PRKN: variants seen among roughly 807,000 people sequenced by gnomAD.
PRKN encodes the protein E3 ubiquitin-protein ligase parkin.
A neutral mutation model predicts 59.5 loss-of-function variants in PRKN; 56 were observed. The ratio of observed to expected loss-of-function variants is 0.94; its 90% CI spans 0.76 to 1.18. The LOEUF (loss-of-function observed/expected upper bound fraction) is 1.18, where lower values mean the gene tolerates loss of function less well. Among genes scored for constraint, PRKN ranks in the 50% most tolerant of loss-of-function variants. The probability of loss-of-function intolerance (pLI) is 0.00; values close to 1 mark genes in which losing one functional copy is unlikely to be tolerated. For missense variants in PRKN, 657 were observed against 596.4 expected, an observed-to-expected ratio of 1.10 and a Z score of -1.06; for synonymous variants, 250 against 222.1, an observed-to-expected ratio of 1.13 and a Z score of -1.12.
Position 161,693,733 on chromosome 6 carries a change from A to G in PRKN, c.871+92039T>C, listed in dbSNP as rs139505378. On this transcript the variant is annotated intron_variant, in intron 7 of 11. Coordinates refer to ENST00000366898, the MANE Select transcript of PRKN (RefSeq NM_004562.3). ...TTGACAGGTTTTCTACCCCAGATGT[A>G]AATTTTTGGAAATACTAATATACAA... Among the ~76,000 whole-genome samples the G allele has an allele frequency of 4.0e-3, 606 of 152,324 alleles. 4 individuals are homozygous for G. Among genetic ancestry groups the G allele is most frequent in the Non-Finnish European group, 5.6e-3 (382 of 68,026 alleles).
chr6:162,215,987 A>G (rs1777633655), intron 3 of PRKN, among the ~76,000 whole-genome samples: 3 of 151,920 alleles, frequency 2.0e-5, no homozygotes, highest in Admixed American at 1.3e-4. Context: ...AGGCAGAGGT[A>G]GCAGTGAGCA....
chr6:162,563,742 T>C (rs968725378), intron 1 of PRKN, among the ~76,000 whole-genome samples: 2 of 152,160 alleles, frequency 1.3e-5, no homozygotes, highest in Non-Finnish European at 2.9e-5. Flanking sequence ...AAAATAGCTG[T>C]GCTAAGAAAA....
chr6:161,989,338 T>A (rs77209482), intron 5 of PRKN, among the ~76,000 whole-genome samples: 3,096 of 152,264 alleles, frequency 0.02, 114 homozygotes, highest in African/African-American at 0.071. Context: ...CCCATGCACA[T>A]CAGGGGGCCT....
At chr6:162,123,889 A>C (rs1283603831) in intron 4 of PRKN, among the ~76,000 whole-genome samples, 1 of 152,162 alleles carries the variant, frequency 6.6e-6, no homozygotes. Flanking sequence ...CAAAACTCTT[A>C]ACAGCTAGTT....
intron 7 of PRKN, among the ~76,000 whole-genome samples, chr6:161,734,244 T>A (rs915704489): frequency 6.6e-6 from 1 of 152,114 alleles, no homozygotes; most frequent in East Asian, 1.9e-4. Context: ...TTCCAGCCCA[T>A]ACAAAGTCAT....
intron 6 of PRKN, among the ~76,000 whole-genome samples, chr6:161,867,456 C>T (rs1794155894): frequency 6.6e-6 from 1 of 152,178 alleles, no homozygotes; most frequent in Admixed American, 6.5e-5. Flanking sequence ...TGTACAACAG[C>T]AGACTGCTGG....
chr6:161,874,067 T>A (rs9458406), intron 6 of PRKN, among the ~76,000 whole-genome samples: 5 of 52,082 alleles, frequency 9.6e-5, no homozygotes, highest in Non-Finnish European at 1.4e-4. Context: ...TAATATATAA[T>A]ATATATTATA....
At chr6:162,225,970 G>A (rs1778158591) in intron 3 of PRKN, among the ~76,000 whole-genome samples, 1 of 146,384 alleles carries the variant, frequency 6.8e-6, no homozygotes, top group Non-Finnish European at 1.5e-5. Flanking sequence ...ATATGTTTAG[G>A]AAACCATATG....
At chr6:162,200,071 G>T (rs930901709) in intron 4 of PRKN, among the ~76,000 whole-genome samples, 2 of 152,090 alleles carry the variant, frequency 1.3e-5, no homozygotes, top group African/African-American at 4.8e-5. Flanking sequence ...TGTGGTTTCC[G>T]TCAGCTTGCA....
In PRKN at chr6:161,760,552, A is replaced by G. The variant is rs183667897; in HGVS notation, c.871+25220T>C. On this transcript the variant is annotated intron_variant, in intron 7 of 11. Transcript: ENST00000366898. ...TGTGTGGAACCCGAGATTCAGGCTG[A>G]GCGCCGGAAGCCGTCTAGCAGGGAC... Among the ~76,000 whole-genome samples the G allele has an allele frequency of 3.2e-3, 481 of 152,056 alleles. 2 individuals carry two copies. The highest frequency in any genetic ancestry group is 6.8e-3 in the Middle Eastern group (2 of 294).
chr6:161,727,617 G>T (rs1414836623), intron 7 of PRKN, among the ~76,000 whole-genome samples: 1 of 152,176 alleles, frequency 6.6e-6, no homozygotes, highest in African/African-American at 2.4e-5. Context: ...TGATCATCCT[G>T]TGTTGATGGA....
Position 162,262,657 on chromosome 6 carries a change from C to A in PRKN, c.280G>T (p.Gly94Cys), listed in dbSNP as rs770930242. Residue 94 changes from glycine (G) to cysteine (C), a missense_variant, in exon 3 of 12, where the codon GGC (glycine) becomes TGC (cysteine). Coordinates refer to ENST00000366898, the MANE Select transcript of PRKN (RefSeq NM_004562.3). ...AAGCTCTGGGGCTCCCGCTCACAGCCTCCCGCCGCGTTTCTGGGGTCGTCG... is the reference window on the plus strand; with the variant it reads ...AAGCTCTGGGGCTCCCGCTCACAGCATCCCGCCGCGTTTCTGGGGTCGTCG... ...GGDDPRNAAG[G>C]CEREPQSLTR... The A allele has an allele frequency of 4.3e-6, 7 of 1,613,636 alleles. No individual in the cohort carries two copies. The African/African-American group carries it at 8.0e-5, about 18-fold the overall frequency.
chr6:162,266,701 C>T (rs563817530), intron 2 of PRKN, among the ~76,000 whole-genome samples: 1 of 152,140 alleles, frequency 6.6e-6, no homozygotes, highest in African/African-American at 2.4e-5. Context: ...CTGCCATTGA[C>T]AATAATATAT....
chr6:161,990,032 T>C (rs969569529), intron 5 of PRKN, among the ~76,000 whole-genome samples: 1 of 152,034 alleles, frequency 6.6e-6, no homozygotes, highest in African/African-American at 2.4e-5. Flanking sequence ...GCCACTACTA[T>C]TGCCATGAAT....
At chr6:162,023,641 T>C (rs1410225570) in intron 5 of PRKN, among the ~76,000 whole-genome samples, 1 of 152,158 alleles carries the variant, frequency 6.6e-6, no homozygotes, top group Admixed American at 6.5e-5. Context: ...CGTCTGTGTG[T>C]CTGCCTGCTA....
chr6:162,471,889 G>A (rs1791764788), intron 1 of PRKN, among the ~76,000 whole-genome samples: 1 of 152,134 alleles, frequency 6.6e-6, no homozygotes, highest in Non-Finnish European at 1.5e-5. Flanking sequence ...AATTGGAATT[G>A]CAGCCATCTT....
chr6:162,373,373 C>T (rs1418631742), intron 2 of PRKN, among the ~76,000 whole-genome samples: 1 of 152,100 alleles, frequency 6.6e-6, no homozygotes, highest in Non-Finnish European at 1.5e-5. Flanking sequence ...GGTTCTTGGA[C>T]AATTTCTTTG....
intron 2 of PRKN, among the ~76,000 whole-genome samples, chr6:162,298,730 T>C (rs1293963154): frequency 6.6e-6 from 1 of 150,528 alleles, no homozygotes; most frequent in Non-Finnish European, 1.5e-5. Context: ...GGGAGAATGG[T>C]AAGGAAAAAC....
intron 7 of PRKN, among the ~76,000 whole-genome samples, chr6:161,731,008 T>C (rs1476107636): frequency 6.6e-6 from 1 of 152,234 alleles, no homozygotes; most frequent in African/African-American, 2.4e-5. Flanking sequence ...TGTTGCATTC[T>C]GAAGTGCTGC....
Sources: allele counts gnomAD v4.1 joint callset (sites outside exome capture counted in the v4.1 genomes callset), GRCh38; gene constraint gnomAD v4.1.1; transcripts MANE v1.5; gene names NCBI Gene and HGNC (gene_info 2026-07-23, HGNC 2026-07-21).